The following MDGA1 variants were observed in gnomAD, a reference collection of about 807,000 sequenced individuals.
The protein encoded by MDGA1 is MAM domain containing glycosylphosphatidylinositol anchor 1, also known as MAM domain-containing glycosylphosphatidylinositol anchor protein 1.
MDGA1 carries 54 observed loss-of-function variants against 101.5 expected under a neutral mutation model. That is an observed-to-expected ratio of 0.53 (90% confidence interval 0.43 to 0.67). The LOEUF is 0.67. Ranked by LOEUF, MDGA1 falls within the 30% of genes least tolerant of loss-of-function variation. The pLI is 0.00. For synonymous variants in MDGA1, 533 were observed against 558.3 expected, an observed-to-expected ratio of 0.95 and a Z score of 0.64; for missense variants, 1,083 against 1,323.8, an observed-to-expected ratio of 0.82 and a Z score of 2.82.
At chr6:37,651,738 C>T (rs1287818398) in intron 7 of MDGA1, among the ~76,000 whole-genome samples, 5 of 152,172 alleles carry the variant, frequency 3.3e-5, no homozygotes, top group African/African-American at 1.2e-4. Context: ...TCACAGTTTG[C>T]AATGATATAT....
chr6:37,662,936 T>C (rs903592782), intron 2 of MDGA1, among the ~76,000 whole-genome samples: 2 of 152,162 alleles, frequency 1.3e-5, no homozygotes, highest in African/African-American at 4.8e-5. Context: ...GACATCGACC[T>C]ACTCCAGCAG....
At chr6:37,650,506 C>A (rs1425070607) in intron 7 of MDGA1, 101 bp from the exon 8 acceptor site, 11 of 1,235,984 alleles carry the variant, frequency 8.9e-6, no homozygotes, top group Middle Eastern at 2.9e-4. Context: ...TAGGGGCAAG[C>A]CTCTCTCTCC....
chr6:37,658,946 G>A (rs974496990), intron 2 of MDGA1, among the ~76,000 whole-genome samples: 1 of 147,958 alleles, frequency 6.8e-6, no homozygotes, highest in African/African-American at 2.5e-5. Context: ...ACTCCAGCCT[G>A]GGCAACGGAG....
At chr6:37,644,454 C>T (rs766710675) in intron 13 of MDGA1, 43 bp downstream of exon 13, 1 of 1,499,776 alleles carries the variant, frequency 6.7e-7, no homozygotes, top group African/African-American at 1.4e-5. Context: ...TAGACACCCC[C>T]CTGAAGCAAT....
chr6:37,662,372 C>CTGAAGCAGGAGTTCAAGACCAGAGT (rs1251622507), intron 2 of MDGA1, among the ~76,000 whole-genome samples: 7 of 152,024 alleles, frequency 4.6e-5, no homozygotes, highest in African/African-American at 1.7e-4. Flanking sequence ...CTTAGGGAGG[C>CTGAAGCAGGAGTTCAAGACCAGAGT]TGAAGCAGGA....
intron 3 of MDGA1, among the ~76,000 whole-genome samples, chr6:37,657,895 T>A (rs1761527551): frequency 6.6e-6 from 1 of 151,998 alleles, no homozygotes; most frequent in African/African-American, 2.4e-5. Context: ...CAGCGGACAA[T>A]GGGGAAGAGA....
At chr6:37,676,713 C>T (rs1009202693) in intron 1 of MDGA1, among the ~76,000 whole-genome samples, 2 of 152,084 alleles carry the variant, frequency 1.3e-5, no homozygotes, top group African/African-American at 4.8e-5. Flanking sequence ...GCCTGGCCAA[C>T]ATGGTGAAAC....
chr6:37,646,265 G>T lies in MDGA1; in HGVS notation c.2157C>A (p.Val719=). 6.2e-7 allele frequency: 1 copy of T among 1,605,964 alleles called. No individual in the cohort carries two copies. The highest frequency in any genetic ancestry group is 8.5e-7 in the Non-Finnish European group (1 of 1,175,530). ...TDLRVPHSYE[V]RLTPYTTFGA... is the part of the protein sequence containing the mutation. ...CGAAGGTGGTATAGGGTGTGAGGCG[G>T]ACCTCATAGCTGTGGGGCACACGGA... The change falls in exon 11 of 17, where the codon GTC becomes GTA. Residue 719 remains valine (V), a synonymous_variant. Coordinates refer to ENST00000434837, the MANE Select transcript of MDGA1 (RefSeq NM_153487.4).
At chr6:37,683,203 C>G (rs1762131281) in intron 1 of MDGA1, among the ~76,000 whole-genome samples, 1 of 152,134 alleles carries the variant, frequency 6.6e-6, no homozygotes, top group South Asian at 2.1e-4. Context: ...TCAGGGAGAG[C>G]CTGAATTCTA....
At position 37,696,922 on chromosome 6, in the gene MDGA1, TGAGA is replaced by T. The variant is rs910076551; in HGVS notation, c.-115_-112del. The T allele has an allele frequency of 3.4e-6, 3 of 877,918 alleles. No homozygotes were observed. Among genetic ancestry groups the T allele is most frequent in the Non-Finnish European group, 5.5e-6 (3 of 543,556 alleles). The allele number at this position is 877,918 out of a possible 1,614,324, so 54.4% of individuals were successfully genotyped here. The stretch of plus-strand genomic sequence containing the variant: ...TATGTCCCCCCCTTTCCCTGAGAGG[TGAGA>T]GAGAGAGCGGCGACGAAGACCAGGA... On this transcript the variant is annotated 5_prime_UTR_variant, in exon 1 of 17. Transcript: ENST00000434837. This position sits in a 1 kb window ranked among gnomAD's most constrained non-coding sequence, Gnocchi z 5.6.
rs1762445680 is a variant in MDGA1 at position 37,697,444 on chromosome 6, G to A, written c.-633C>T. On this transcript the variant is annotated 5_prime_UTR_variant, in exon 1 of 17. Coordinates refer to ENST00000434837, the MANE Select transcript of MDGA1 (RefSeq NM_153487.4). ...GGTTCGGCCGAGGGACGAGCGCCGC[G>A]GGTCCCCGGGTCCGTGAAGTTAGCC... 6.6e-6 allele frequency: 1 copy of A among 152,114 alleles called. No individual in the cohort carries two copies. The highest frequency in any genetic ancestry group is 1.5e-5 in the Non-Finnish European group (1 of 67,994). 9.4% of individuals were successfully genotyped at this position (152,114 alleles called of 1,614,324 possible). A position where few individuals can be genotyped will look rare whatever the true frequency, so the allele number is the denominator to read the frequency against.
At chr6:37,661,462 C>T (rs533782526) in intron 2 of MDGA1, among the ~76,000 whole-genome samples, 36 of 152,338 alleles carry the variant, frequency 2.4e-4, no homozygotes, top group Non-Finnish European at 3.5e-4. Flanking sequence ...AGTCTGGATG[C>T]TCCATGAGAA....
chr6:37,689,413 C>T (rs565554466), intron 1 of MDGA1, among the ~76,000 whole-genome samples: 10 of 152,312 alleles, frequency 6.6e-5, no homozygotes, highest in African/African-American at 2.2e-4. Context: ...TGCCAGAATC[C>T]CATGAAGTTC....
chr6:37,643,201 C>G (rs759727809), intron 14 of MDGA1: 1 of 152,294 alleles, frequency 6.6e-6, no homozygotes, highest in Non-Finnish European at 1.5e-5. Context: ...GGCAGTCACT[C>G]CATATTTGCA....
At chr6:37,684,636 G>T (rs1048862317) in intron 1 of MDGA1, among the ~76,000 whole-genome samples, 2 of 152,142 alleles carry the variant, frequency 1.3e-5, no homozygotes, top group African/African-American at 4.8e-5. Flanking sequence ...TGCGGTCTCA[G>T]TTTCTTCCTG....
rs1763811462 is a variant in MDGA1 at position 37,630,808 on chromosome 6, T to C, written c.*6560A>G. Reference sequence around the variant, plus strand: ...GCAGCTGCACTCCCATATCTTCTGGTGCTTTGGTGGAGATGGCTGGAAGGC... The same window carrying C: ...GCAGCTGCACTCCCATATCTTCTGGCGCTTTGGTGGAGATGGCTGGAAGGC... On this transcript the variant is annotated 3_prime_UTR_variant, in exon 17 of 17. Transcript: ENST00000434837. The C allele has an allele frequency of 6.6e-6, 1 of 152,238 alleles. No individual in the cohort carries two copies. Among genetic ancestry groups the C allele is most frequent in the East Asian group, 1.9e-4 (1 of 5,194 alleles). The allele number at this position is 152,238 out of a possible 1,614,324, so 9.4% of individuals were successfully genotyped here.
chr6:37,659,552 G>A (rs961616674), intron 2 of MDGA1, among the ~76,000 whole-genome samples: 1 of 152,174 alleles, frequency 6.6e-6, no homozygotes, highest in African/African-American at 2.4e-5. Context: ...CTAAGGAGTG[G>A]GGTAGAGATA....
chr6:37,644,536 T>TG lies in MDGA1; in HGVS notation c.2361dup (p.Asn788GlnfsTer13). The TG allele has an allele frequency of 6.2e-7, 1 of 1,603,990 alleles. No individual in the cohort carries two copies. The highest frequency in any genetic ancestry group is 8.5e-7 in the Non-Finnish European group (1 of 1,175,232). Reference sequence around the variant, plus strand: ...CTTATGTCGGTGGGGGGACCAGTGTTGGGGGAGCGTTTGGGGTTCTGGGTG... The same window carrying TG: ...CTTATGTCGGTGGGGGGACCAGTGTTGGGGGGAGCGTTTGGGGTTCTGGGTG... On this transcript the variant is annotated frameshift_variant, in exon 13 of 17. Transcript: ENST00000434837. LOFTEE classifies it high-confidence loss of function.
At chr6:37,670,742 C>T (rs1443078539) in intron 1 of MDGA1, among the ~76,000 whole-genome samples, 1 of 152,202 alleles carries the variant, frequency 6.6e-6, no homozygotes, top group African/African-American at 2.4e-5. Flanking sequence ...TTGGTACCTT[C>T]CTGGGGTCCA....
Sources: gnomAD v4.1 joint callset for allele counts (sites outside exome capture counted in the v4.1 genomes callset) on GRCh38, gnomAD v4.1.1 for gene constraint, Gnocchi (gnomAD v3.1) non-coding constraint, MANE v1.5 for transcripts, NCBI Gene and HGNC (gene_info 2026-07-23, HGNC 2026-07-21) for gene names.